SNTG1: variants seen among roughly 807,000 people sequenced by gnomAD.
The protein encoded by SNTG1 is gamma-1-syntrophin.
A neutral mutation model predicts 74.7 loss-of-function variants in SNTG1; 39 were observed. The ratio of observed to expected loss-of-function variants is 0.52; its 90% CI spans 0.40 to 0.68. The LOEUF (loss-of-function observed/expected upper bound fraction) is 0.68. Ranked by LOEUF, SNTG1 falls within the 30% of genes least tolerant of loss-of-function variation. The pLI is 0.00. For missense variants in SNTG1, 685 were observed against 609.5 expected, an observed-to-expected ratio of 1.12 and a Z score of -1.30; for synonymous variants, 254 against 217.1, an observed-to-expected ratio of 1.17 and a Z score of -1.49.
chr8:50,475,360 C>T (rs2093689176), intron 8 of SNTG1, among the ~76,000 whole-genome samples: 1 of 151,998 alleles, frequency 6.6e-6, no homozygotes, highest in South Asian at 2.1e-4. Flanking sequence ...CATAAAAATT[C>T]AGATATGTGG....
intron 15 of SNTG1, among the ~76,000 whole-genome samples, chr8:50,689,041 T>C (rs1023048605): frequency 1.3e-5 from 2 of 148,780 alleles, no homozygotes; most frequent in African/African-American, 5.0e-5. Context: ...AATTCACTTA[T>C]GATTTGGCTC....
intron 1 of SNTG1, among the ~76,000 whole-genome samples, chr8:50,108,597 A>C (rs1259272953): frequency 1.3e-5 from 2 of 152,206 alleles, no homozygotes; most frequent in African/African-American, 4.8e-5. Flanking sequence ...TAAAATTTAC[A>C]ACTGAATAAA....
intron 2 of SNTG1, among the ~76,000 whole-genome samples, chr8:50,223,230 G>A (rs1023709446): frequency 9.2e-5 from 14 of 151,968 alleles, no homozygotes; most frequent in African/African-American, 2.4e-4. Flanking sequence ...ATTAGATATC[G>A]AGGAAAAGTA....
intron 1 of SNTG1, among the ~76,000 whole-genome samples, chr8:50,136,118 T>A (rs2081467332): frequency 6.6e-6 from 1 of 152,198 alleles, no homozygotes; most frequent in South Asian, 2.1e-4. Flanking sequence ...TATTTCATGG[T>A]CTATATGTAC....
At chr8:50,306,205 G>C (rs2130713063) in intron 2 of SNTG1, among the ~76,000 whole-genome samples, 1 of 152,000 alleles carries the variant, frequency 6.6e-6, no homozygotes, top group Middle Eastern at 3.4e-3. Context: ...CTTCATCCAA[G>C]TTGCTGCAAA....
intron 11 of SNTG1, among the ~76,000 whole-genome samples, chr8:50,537,982 A>G (rs558411320): frequency 6.6e-6 from 1 of 152,336 alleles, no homozygotes; most frequent in African/African-American, 2.4e-5. Flanking sequence ...TCAGATCTTC[A>G]CATTTCCAGC....
intron 12 of SNTG1, among the ~76,000 whole-genome samples, chr8:50,581,003 T>G (rs1024967776): frequency 6.6e-6 from 1 of 152,200 alleles, no homozygotes; most frequent in African/African-American, 2.4e-5. Flanking sequence ...TGTTCTTTTG[T>G]TTCTGAAGTA....
At chr8:50,085,731 C>T (rs545979675) in intron 1 of SNTG1, among the ~76,000 whole-genome samples, 19 of 152,296 alleles carry the variant, frequency 1.2e-4, no homozygotes, top group Admixed American at 2.6e-4. Context: ...CTGATTAGCT[C>T]ATTAATTCAT....
chr8:50,335,562 T>A (rs1004994375), intron 2 of SNTG1, among the ~76,000 whole-genome samples: 3 of 152,222 alleles, frequency 2.0e-5, no homozygotes, highest in Non-Finnish European at 4.4e-5. Context: ...ATGGCCCCTA[T>A]ATCTCAAAAC....
At chr8:50,304,086 T>C (rs73678735) in intron 2 of SNTG1, among the ~76,000 whole-genome samples, 10,490 of 152,194 alleles carry the variant, frequency 0.069, 837 homozygotes, top group African/African-American at 0.18. Context: ...AATTAAGAGG[T>C]GGGGCCTTTA....
intron 2 of SNTG1, among the ~76,000 whole-genome samples, chr8:50,332,097 T>A (rs1338798447): frequency 6.6e-6 from 1 of 152,216 alleles, no homozygotes; most frequent in Non-Finnish European, 1.5e-5. Context: ...CTCAAATGCA[T>A]GTTCTTGACT....
At chr8:50,785,346 TAAAAG>T (rs1007702050) in intron 18 of SNTG1, among the ~76,000 whole-genome samples, 1 of 151,526 alleles carries the variant, frequency 6.6e-6, no homozygotes, top group African/African-American at 2.4e-5. Context: ...AAATCAGAAA[TAAAAG>T]AAGGTATATT....
chr8:50,450,802 G>C, intron 8 of SNTG1, 73 bp downstream of exon 8: 1 of 1,414,206 alleles, frequency 7.1e-7, no homozygotes, highest in Non-Finnish European at 9.9e-7. Flanking sequence ...GCTAAAGACT[G>C]TCACTTCATT....
chr8:50,076,783 C>A (rs1404129829), intron 1 of SNTG1, among the ~76,000 whole-genome samples: 4 of 151,822 alleles, frequency 2.6e-5, no homozygotes, highest in African/African-American at 9.7e-5. Flanking sequence ...TAAATTATAC[C>A]ACTGCATTAT....
intron 15 of SNTG1, among the ~76,000 whole-genome samples, chr8:50,671,436 T>G (rs1170478023): frequency 6.6e-6 from 1 of 150,994 alleles, no homozygotes; most frequent in Non-Finnish European, 1.5e-5. Flanking sequence ...AAAAGACACA[T>G]AAAAAAATGC....
At chr8:50,614,497 T>C (rs1453780368) in intron 13 of SNTG1, among the ~76,000 whole-genome samples, 2 of 152,030 alleles carry the variant, frequency 1.3e-5, no homozygotes, top group African/African-American at 2.4e-5. Flanking sequence ...TATCTAATGG[T>C]AGATTTAATT....
chr8:50,339,707 A>C (rs1402622799), intron 2 of SNTG1, among the ~76,000 whole-genome samples: 2 of 151,958 alleles, frequency 1.3e-5, no homozygotes, highest in Non-Finnish European at 2.9e-5. Context: ...CAACCTGAGA[A>C]GGCAGAAAAA....
chr8:50,362,933 A>T (rs914576653), intron 2 of SNTG1, among the ~76,000 whole-genome samples: 1 of 152,178 alleles, frequency 6.6e-6, no homozygotes, highest in African/African-American at 2.4e-5. Context: ...GTAAACACAG[A>T]CAACTGAATT....
intron 2 of SNTG1, among the ~76,000 whole-genome samples, chr8:50,259,527 AGAAAGAAAGAAAGAAAG>A (rs2087068197): frequency 1.8e-4 from 2 of 11,422 alleles, no homozygotes; most frequent in African/African-American, 2.2e-4. Context: ...AAAGAAAGAA[AGAAAGAAAGAAAGAAAG>A]AAAGAAAGAA....
Sources: allele counts gnomAD v4.1 joint callset (sites outside exome capture counted in the v4.1 genomes callset), GRCh38; gene constraint gnomAD v4.1.1; transcripts MANE v1.5; gene names NCBI Gene and HGNC (gene_info 2026-07-23, HGNC 2026-07-21).